The following LRRC28 variants were observed in gnomAD, a reference collection of about 807,000 sequenced individuals.
The protein encoded by LRRC28 is leucine-rich repeat-containing protein 28.
A neutral mutation model predicts 45.7 loss-of-function variants in LRRC28; 39 were observed. The observed-to-expected ratio is 0.85, with a 90% CI of 0.66 to 1.12. The LOEUF (loss-of-function observed/expected upper bound fraction) is 1.12, where lower values mean the gene tolerates loss of function less well. LRRC28 is among the 50% of genes most tolerant of loss of function. The pLI is 0.00. For missense variants in LRRC28, 435 were observed against 438.5 expected (o/e 0.99, Z 0.07); for synonymous variants, 206 against 178.8 (o/e 1.15, Z -1.22).
chr15:99,321,250 G>C (rs1413171267), intron 5 of LRRC28, among the ~76,000 whole-genome samples: 3 of 152,116 alleles, frequency 2.0e-5, no homozygotes, highest in Non-Finnish European at 4.4e-5. Flanking sequence ...GGTTTTGCTG[G>C]TTTATGATCT....
chr15:99,319,062 G>C (rs1278361715), intron 5 of LRRC28, among the ~76,000 whole-genome samples: 1 of 152,072 alleles, frequency 6.6e-6, no homozygotes, highest in Admixed American at 6.5e-5. Context: ...ATTCTTTCCA[G>C]CAAGTAAAAT....
chr15:99,295,535 T>A (rs1483113888), intron 5 of LRRC28, among the ~76,000 whole-genome samples: 1 of 152,194 alleles, frequency 6.6e-6, no homozygotes, highest in Non-Finnish European at 1.5e-5. Context: ...CAGCCAATCT[T>A]TAATACTCGA....
chr15:99,341,792 C>G (rs771121768), intron 6 of LRRC28, among the ~76,000 whole-genome samples: 10 of 152,168 alleles, frequency 6.6e-5, no homozygotes, highest in Non-Finnish European at 1.3e-4. Context: ...TGTTCTCGTT[C>G]TAGAACTCAC....
intron 6 of LRRC28, among the ~76,000 whole-genome samples, chr15:99,344,201 T>C (rs1185518216): frequency 6.6e-6 from 1 of 152,234 alleles, no homozygotes; most frequent in Non-Finnish European, 1.5e-5. Context: ...GGGCACTATA[T>C]ACGTTGTTTA....
At chr15:99,383,162 CTG>C (rs1210809565) in intron 9 of LRRC28, among the ~76,000 whole-genome samples, 2 of 152,216 alleles carry the variant, frequency 1.3e-5, no homozygotes. Context: ...TATCTACTTT[CTG>C]TCTCTGTAGA....
At chr15:99,363,989 G>A (rs1183113102) in intron 9 of LRRC28, among the ~76,000 whole-genome samples, 2 of 152,144 alleles carry the variant, frequency 1.3e-5, no homozygotes. Context: ...ACCATCAAAT[G>A]TATTTCATAT....
At chr15:99,344,308 CAGTT>C (rs1956613829) in intron 6 of LRRC28, among the ~76,000 whole-genome samples, 1 of 151,966 alleles carries the variant, frequency 6.6e-6, no homozygotes, top group Non-Finnish European at 1.5e-5. Context: ...TGTCAGGAAG[CAGTT>C]AGTAAGTGAG....
At chr15:99,327,641 G>A (rs1956028282) in intron 5 of LRRC28, among the ~76,000 whole-genome samples, 1 of 151,800 alleles carries the variant, frequency 6.6e-6, no homozygotes, top group Admixed American at 6.6e-5. Context: ...CTAAAGGTTT[G>A]TCAATTTTGT....
chr15:99,353,261 G>A (rs1956943135), intron 7 of LRRC28, among the ~76,000 whole-genome samples: 1 of 152,132 alleles, frequency 6.6e-6, no homozygotes, highest in Non-Finnish European at 1.5e-5. Context: ...CAGCATGTTT[G>A]ACTCTCCCCT....
chr15:99,387,144 T>A lies in LRRC28; in HGVS notation c.*1042T>A, dbSNP rs989120099. ...GGCGGGATCTCGGCTCACTGCAAGC[T>A]CCGCCTCCCGGGTTCACGCCATTCT... On this transcript the variant is annotated 3_prime_UTR_variant, in exon 10 of 10. Transcript: ENST00000301981. 3 of 150,292 alleles carry A rather than the reference T, an allele frequency of 2.0e-5. No homozygotes were observed. Among genetic ancestry groups the A allele is most frequent in the African/African-American group, 4.9e-5 (2 of 40,810 alleles). 9.3% of individuals were successfully genotyped at this position (150,292 alleles called of 1,614,324 possible).
chr15:99,284,994 C>T (rs2081919105), intron 3 of LRRC28: 1 of 638,496 alleles, frequency 1.6e-6, no homozygotes, highest in African/African-American at 1.8e-5. Flanking sequence ...AGAATCACTT[C>T]AGCCTCTTTG....
intron 5 of LRRC28, among the ~76,000 whole-genome samples, chr15:99,312,003 G>C (rs2152266268): frequency 6.6e-6 from 1 of 152,188 alleles, no homozygotes; most frequent in South Asian, 2.1e-4. Context: ...TTAATGATGT[G>C]TATTGTGATT....
At position 99,386,283 on chromosome 15, in the gene LRRC28, CCCCAAATTAAGGA is replaced by C. The variant is rs1377839602; in HGVS notation, c.*186_*198del. The C allele has an allele frequency of 1.3e-5, 7 of 547,248 alleles. No individual in the cohort carries two copies. The highest frequency in any genetic ancestry group is 1.9e-5 in the Non-Finnish European group (6 of 307,726). 33.9% of individuals were successfully genotyped at this position (547,248 alleles called of 1,614,324 possible). On this transcript the variant is annotated 3_prime_UTR_variant, in exon 10 of 10. Coordinates refer to ENST00000301981, the MANE Select transcript of LRRC28 (RefSeq NM_144598.5). ...TTCCCCCAAGTTGGAATATATCCTC[CCCCAAATTAAGGA>C]CCCATTTGTCTTCTGTGTTTTTCCT...
At position 99,259,084 on chromosome 15, in the gene LRRC28, C is replaced by T. The variant is rs557357335; in HGVS notation, c.168+2959C>T. ...ATACTTTTTGGAAAGAATTTGGTAC[C>T]AACATTAAGCTTGGTGTAATTGAAG... On this transcript the variant is annotated intron_variant, in intron 2 of 9. Coordinates refer to ENST00000301981, the MANE Select transcript of LRRC28 (RefSeq NM_144598.5). 8.3e-5 allele frequency: 93 copies of T among 1,124,266 alleles called. No individual in the cohort carries two copies. The African/African-American group carries it at 1.3e-3, about 16-fold the overall frequency. 69.6% of individuals were successfully genotyped at this position (1,124,266 alleles called of 1,614,324 possible).
chr15:99,348,630 C>A (rs1187776183), intron 6 of LRRC28, among the ~76,000 whole-genome samples: 1 of 152,008 alleles, frequency 6.6e-6, no homozygotes, highest in Non-Finnish European at 1.5e-5. Flanking sequence ...TTTTATGCCG[C>A]ATCATAGTGT....
rs200420965 is a variant in LRRC28, at chr15:99,287,242, C to A, written c.210-15C>A. 2 of 1,559,590 alleles carry A rather than the reference C, an allele frequency of 1.3e-6. No homozygotes were observed. ...CTTAATGATAATGGCTGTTTTTTTT[C>A]TTTTTCCTTCCTAGATACCTGCACT... On this transcript the variant is annotated splice_polypyrimidine_tract_variant and intron_variant, in intron 3 of 9. Transcript: ENST00000301981.
chr15:99,320,091 G>A (rs1246916331), intron 5 of LRRC28, among the ~76,000 whole-genome samples: 1 of 152,156 alleles, frequency 6.6e-6, no homozygotes, highest in Non-Finnish European at 1.5e-5. Flanking sequence ...ACAGGCGTGA[G>A]CCACCGTGCC....
intron 1 of LRRC28, among the ~76,000 whole-genome samples, chr15:99,252,545 C>T (rs146428107): frequency 6.6e-6 from 1 of 152,304 alleles, no homozygotes; most frequent in African/African-American, 2.4e-5. Context: ...AGTCAGTCCA[C>T]CTGCGATGGA....
chr15:99,285,190 A>C (rs186901693), intron 3 of LRRC28: 1 of 728,392 alleles, frequency 1.4e-6, no homozygotes, highest in Non-Finnish European at 2.5e-6. Flanking sequence ...AATCACTTCA[A>C]TTTTTCCATA....
Sources: gnomAD v4.1 joint callset for allele counts (sites outside exome capture counted in the v4.1 genomes callset) on GRCh38, gnomAD v4.1.1 for gene constraint, MANE v1.5 for transcripts, NCBI Gene and HGNC (gene_info 2026-07-23, HGNC 2026-07-21) for gene names.